Variants in ASB8 observed in about 807,000 individuals in gnomAD.
ASB8 encodes the protein ankyrin repeat and SOCS box protein 8.
A neutral mutation model predicts 22.9 loss-of-function variants in ASB8; 15 were observed. The ratio of observed to expected loss-of-function variants is 0.66; its 90% CI spans 0.44 to 1.01. ASB8 has a LOEUF of 1.01. Ranked by LOEUF, ASB8 falls within the 50% of genes least tolerant of loss-of-function variation. ASB8 has a pLI of 0.00. For missense variants in ASB8, 294 were observed against 356.9 expected (o/e 0.82, Z 1.42); for synonymous variants, 124 against 140.8 (o/e 0.88, Z 0.84).
chr12:48,152,758 C>T (rs1312534777), intron 2 of ASB8: 1 of 152,164 alleles, frequency 6.6e-6, no homozygotes, highest in Non-Finnish European at 1.5e-5. Context: ...ACTTTGGGAA[C>T]CCAAGGCAGG....
intron 1 of ASB8, among the ~76,000 whole-genome samples, chr12:48,155,738 A>T (rs202009754): frequency 0.18 from 21,673 of 119,112 alleles, 2,436 homozygotes; most frequent in African/African-American, 0.3. Flanking sequence ...TCAAAAAAAA[A>T]AAAAATATAT....
intron 1 of ASB8, among the ~76,000 whole-genome samples, chr12:48,156,970 C>T: frequency 7.4e-6 from 1 of 135,920 alleles, no homozygotes; most frequent in Admixed American, 7.5e-5. Context: ...CACCAAAGGG[C>T]ACTTACTGAG....
In ASB8 at chr12:48,153,537, A is replaced by C. The variant is rs1290872921; in HGVS notation, c.-33-8T>G. 2 of 1,608,530 alleles carry C rather than the reference A, an allele frequency of 1.2e-6. No individual in the cohort carries two copies. Among genetic ancestry groups the C allele is most frequent in the Non-Finnish European group, 1.7e-6 (2 of 1,176,220 alleles). ...TCACATGCTCCAAACTGCCTGAAAC[A>C]AAGAAGTTTTCGGCATATACAATAT... On this transcript the variant is annotated splice_region_variant and splice_polypyrimidine_tract_variant and intron_variant, in intron 1 of 3. Transcript: ENST00000317697.
At chr12:48,153,555 T>G in intron 1 of ASB8, 26 bp from the exon 2 acceptor site, 1 of 1,583,526 alleles carries the variant, frequency 6.3e-7, no homozygotes, top group Non-Finnish European at 8.6e-7. Flanking sequence ...TTTCGGCATA[T>G]ACAATATCAC....
chr12:48,154,422 A>G (rs1951258903), intron 1 of ASB8, among the ~76,000 whole-genome samples: 1 of 143,072 alleles, frequency 7.0e-6, no homozygotes, highest in East Asian at 2.1e-4. Flanking sequence ...CAGAGCTTGC[A>G]GTGAGCCGAG....
Position 48,147,882 on chromosome 12 carries a change from CTG to C in ASB8, c.*1482_*1483del, listed in dbSNP as rs751534287. 1 of 151,908 alleles carries C rather than the reference CTG, an allele frequency of 6.6e-6. No individual in the cohort carries two copies. The highest frequency in any genetic ancestry group is 1.5e-5 in the Non-Finnish European group (1 of 68,000). The allele number at this position is 151,908 out of a possible 1,614,324, so 9.4% of individuals were successfully genotyped here. On this transcript the variant is annotated 3_prime_UTR_variant, in exon 4 of 4. Transcript: ENST00000317697. The stretch of plus-strand genomic sequence containing the variant: ...AAGAAGACATCTGTTTTCCAATTAG[CTG>C]TGTCAGTAGATTCCATTCATTGTTT...
intron 3 of ASB8, chr12:48,150,872 C>T (rs528600172): frequency 5.1e-5 from 23 of 454,902 alleles, no homozygotes; most frequent in Middle Eastern, 5.7e-4. Context: ...GAAGATTAAA[C>T]GGAAATATAA....
chr12:48,153,343 C>G, intron 2 of ASB8, 25 bp downstream of exon 2: 1 of 1,613,132 alleles, frequency 6.2e-7, no homozygotes, highest in Non-Finnish European at 8.5e-7. Flanking sequence ...CGCAAGGACT[C>G]TCCTGTCAAT....
In ASB8 at chr12:48,149,099, G is replaced by A. The variant is rs79022152; in HGVS notation, c.*267C>T. 1,394 of 486,438 alleles carry A rather than the reference G, an allele frequency of 2.9e-3. 28 individuals are homozygous for A. The East Asian group carries it at 0.034, about 12-fold the overall frequency. 30.1% of individuals were successfully genotyped at this position (486,438 alleles called of 1,614,324 possible). On this transcript the variant is annotated 3_prime_UTR_variant, in exon 4 of 4. Coordinates refer to ENST00000317697, the MANE Select transcript of ASB8 (RefSeq NM_024095.5). Reference sequence around the variant, plus strand: ...CTGTTGACTCCTTCCCTAAAGGGGAGGATTGAGGGAGACCTCTTCTTTTGC... The same window carrying A: ...CTGTTGACTCCTTCCCTAAAGGGGAAGATTGAGGGAGACCTCTTCTTTTGC...
intron 3 of ASB8, chr12:48,150,309 G>T: frequency 1.6e-6 from 1 of 644,344 alleles, no homozygotes; most frequent in Non-Finnish European, 2.8e-6. Context: ...AGAGTAAGGG[G>T]TAAGGCAGGA....
rs1219893101 is a variant in ASB8 at position 48,155,729 on chromosome 12, C to CAA, written c.-34+1728_-34+1729dup. On this transcript the variant is annotated intron_variant, in intron 1 of 3. Coordinates refer to ENST00000317697, the MANE Select transcript of ASB8 (RefSeq NM_024095.5). ...TAGATGACAGAGTGAGACTCCATCT[C>CAA]AAAAAAAAAAAAAATATATATATAT... is the stretch of plus-strand genomic sequence containing the variant. Among the ~76,000 whole-genome samples, 367 of 107,752 alleles carry CAA rather than the reference C, an allele frequency of 3.4e-3. 7 individuals are homozygous for CAA. In the East Asian group the frequency reaches 0.051, roughly 15 times the overall value. The allele number at this position is 107,752 out of a possible 152,430, so 70.7% of individuals were successfully genotyped here.
intron 1 of ASB8, among the ~76,000 whole-genome samples, chr12:48,156,259 G>A (rs546204524): frequency 2.0e-5 from 3 of 152,172 alleles, no homozygotes; most frequent in South Asian, 2.1e-4. Flanking sequence ...TATCATGCAC[G>A]GATAAGCTGA....
rs1264215024 is a variant in ASB8 at position 48,149,767 on chromosome 12, T to C, written c.466A>G (p.Ser156Gly). Residue 156 changes from serine to glycine, a missense_variant, in exon 4 of 4, where the codon AGC (serine) becomes GGC (glycine). Physicochemically the swap from Ser to Gly is moderately conservative, Grantham distance 56. Transcript: ENST00000317697. Reference sequence around the variant, plus strand: ...AGATTTCCCTTCATGGCAGCCCAGCTGAGCGGTGTATCATTGTTGTAATCC... The same window carrying C: ...AGATTTCCCTTCATGGCAGCCCAGCCGAGCGGTGTATCATTGTTGTAATCC... Reference protein sequence around the residue: ...ALDYNNDTPLSWAAMKGNLES... With the variant: ...ALDYNNDTPLGWAAMKGNLES... 3.1e-6 allele frequency: 5 copies of C among 1,614,094 alleles called. No homozygotes were observed. Among genetic ancestry groups the C allele is most frequent in the Non-Finnish European group, 4.2e-6 (5 of 1,180,030 alleles).
chr12:48,150,889 C>A, intron 3 of ASB8: 1 of 498,792 alleles, frequency 2.0e-6, no homozygotes, highest in South Asian at 3.1e-5. Context: ...ATAAACAGCC[C>A]CTACAAGGTA....
intron 3 of ASB8, 137 bp downstream of exon 3, chr12:48,151,064 G>T (rs1660751950): frequency 1.5e-6 from 1 of 674,388 alleles, no homozygotes; most frequent in Non-Finnish European, 2.6e-6. Flanking sequence ...CTTAATATTG[G>T]CTATGCCAAC....
rs1416688197 is a variant in ASB8, at chr12:48,149,780, A to G, written c.453T>C (p.Asn151=). The G allele has an allele frequency of 6.2e-7, 1 of 1,614,052 alleles. No homozygotes were observed. The highest frequency in any genetic ancestry group is 1.3e-5 in the African/African-American group (1 of 75,012). ...GASVNALDYN[N]DTPLSWAAMK... is the part of the protein sequence containing the mutation. ...TGGCAGCCCAGCTGAGCGGTGTATC[A>G]TTGTTGTAATCCAGGGCATTGACAG... Residue 151 remains asparagine, a synonymous_variant, in exon 4 of 4, where the codon AAT becomes AAC. Coordinates refer to ENST00000317697, the MANE Select transcript of ASB8 (RefSeq NM_024095.5).
chr12:48,154,442 C>T (rs1335320081), intron 1 of ASB8, among the ~76,000 whole-genome samples: 1 of 144,590 alleles, frequency 6.9e-6, no homozygotes, highest in Non-Finnish European at 1.5e-5. Flanking sequence ...GATCGGGCCA[C>T]CGCACTCCAG....
At chr12:48,151,504 CTG>C (rs1459783517) in intron 2 of ASB8, 199 bp from the exon 3 acceptor site, 1 of 1,226,764 alleles carries the variant, frequency 8.2e-7, no homozygotes, top group Non-Finnish European at 1.1e-6. Context: ...AGGAAAGGAA[CTG>C]TTAATTCCTT....
Position 48,149,449 on chromosome 12 carries a change from G to C in ASB8, c.784C>G (p.Leu262Val). ...TLARYAVRRS[L>V]GLQYLPDAVK... ...GCATCGGGGAGATACTGGAGTCCCA[G>C]GCTACGGCGCACGGCATAGCGAGCG... Residue 262 changes from leucine (L) to valine (V), a missense_variant, in exon 4 of 4, where the codon CTG becomes GTG. Coordinates refer to ENST00000317697, the MANE Select transcript of ASB8 (RefSeq NM_024095.5). 6.2e-7 allele frequency: 1 copy of C among 1,614,092 alleles called. No homozygotes were observed. The highest frequency in any genetic ancestry group is 8.5e-7 in the Non-Finnish European group (1 of 1,179,930).
Sources: allele counts gnomAD v4.1 joint callset (sites outside exome capture counted in the v4.1 genomes callset), GRCh38; gene constraint gnomAD v4.1.1; transcripts MANE v1.5; gene names NCBI Gene and HGNC (gene_info 2026-07-23, HGNC 2026-07-21).